The following SCFD2 variants were observed in gnomAD, a reference collection of about 807,000 sequenced individuals.
SCFD2 encodes sec1 family domain-containing protein 2.
Under a neutral mutation model 58.9 loss-of-function variants are expected in SCFD2, and 54 were observed. That is an observed-to-expected ratio of 0.92 (90% confidence interval 0.74 to 1.15). The LOEUF is 1.15. Among genes scored for constraint, SCFD2 ranks in the 50% most tolerant of loss-of-function variants. The probability of loss-of-function intolerance (pLI) is 0.00; values close to 1 mark genes in which losing one functional copy is unlikely to be tolerated. For synonymous variants in SCFD2, 321 were observed against 335.9 expected (o/e 0.96, Z 0.49); for missense variants, 805 against 836.6 (o/e 0.96, Z 0.47).
intron 5 of SCFD2, among the ~76,000 whole-genome samples, chr4:53,140,867 G>C (rs1577769374): frequency 6.6e-6 from 1 of 152,144 alleles, no homozygotes; most frequent in African/African-American, 2.4e-5. Flanking sequence ...AGGCTCTACT[G>C]TTTATCAGTT....
intron 7 of SCFD2, among the ~76,000 whole-genome samples, chr4:52,888,715 T>G (rs530460642): frequency 6.6e-6 from 1 of 152,332 alleles, no homozygotes; most frequent in Admixed American, 6.5e-5. Context: ...TAGGTTCCCT[T>G]TCTTGGTCTG....
intron 5 of SCFD2, chr4:52,950,605 A>G (rs1720565380): frequency 6.6e-6 from 1 of 152,276 alleles, no homozygotes; most frequent in South Asian, 2.1e-4. Flanking sequence ...ATGGCCCTGC[A>G]CTGCCCGTGG....
At chr4:53,328,899 G>A (rs536293803) in intron 2 of SCFD2, among the ~76,000 whole-genome samples, 281 of 152,362 alleles carry the variant, frequency 1.8e-3, no homozygotes, top group African/African-American at 6.2e-3. Flanking sequence ...CACCATGCGC[G>A]AGCCGAAGCA....
At chr4:53,358,621 A>C (rs1349501508) in intron 1 of SCFD2, among the ~76,000 whole-genome samples, 1 of 152,120 alleles carries the variant, frequency 6.6e-6, no homozygotes, top group East Asian at 1.9e-4. Flanking sequence ...GAGTAAATTT[A>C]ATTCCCATCG....
chr4:53,290,204 A>T (rs1188632368), intron 3 of SCFD2, among the ~76,000 whole-genome samples: 1 of 152,180 alleles, frequency 6.6e-6, no homozygotes, highest in African/African-American at 2.4e-5. Flanking sequence ...ATTCTCCAAG[A>T]TACACTATAT....
chr4:53,156,458 G>T (rs1726688195), intron 4 of SCFD2, among the ~76,000 whole-genome samples: 1 of 151,428 alleles, frequency 6.6e-6, no homozygotes, highest in Non-Finnish European at 1.5e-5. Context: ...AGCACTTTGG[G>T]AGGCCAAGGC....
rs943772883 is a variant in SCFD2, at chr4:53,169,449, T to C, written c.1312-23867A>G. 1.2e-4 allele frequency among the ~76,000 whole-genome samples: 19 copies of C among 152,342 alleles called. 1 individual carries two copies. Among genetic ancestry groups the C allele is most frequent in the African/African-American group, 3.4e-4 (14 of 41,582 alleles). ...CATGTTTTCTTTATCTGTCCATCTATTGATGAACATGCAGGCTGATTCCAT... is the reference window on the plus strand; with the variant it reads ...CATGTTTTCTTTATCTGTCCATCTACTGATGAACATGCAGGCTGATTCCAT... On this transcript the variant is annotated intron_variant, in intron 4 of 8. Transcript: ENST00000401642.
intron 4 of SCFD2, among the ~76,000 whole-genome samples, chr4:53,228,576 C>T (rs1729308787): frequency 6.6e-6 from 1 of 152,190 alleles, no homozygotes; most frequent in Admixed American, 6.5e-5. Flanking sequence ...AACAACACTT[C>T]ATGCTAAAAA....
At chr4:52,917,881 A>G (rs1046616660) in intron 6 of SCFD2, among the ~76,000 whole-genome samples, 4 of 152,236 alleles carry the variant, frequency 2.6e-5, no homozygotes. Context: ...AAAGATTAAA[A>G]TAAGAGGTGC....
At chr4:52,933,795 T>G (rs1283735409) in intron 5 of SCFD2, among the ~76,000 whole-genome samples, 1 of 152,236 alleles carries the variant, frequency 6.6e-6, no homozygotes, top group African/African-American at 2.4e-5. Flanking sequence ...AAAGTTCATG[T>G]GTTAGAAACT....
chr4:53,316,832 G>A (rs1174386819), intron 2 of SCFD2, among the ~76,000 whole-genome samples: 4 of 152,166 alleles, frequency 2.6e-5, no homozygotes, highest in African/African-American at 7.2e-5. Context: ...ATTCTGGGCC[G>A]GGCGCAGTGG....
At chr4:53,332,453 C>A (rs1733513214) in intron 2 of SCFD2, among the ~76,000 whole-genome samples, 1 of 151,860 alleles carries the variant, frequency 6.6e-6, no homozygotes, top group South Asian at 2.1e-4. Flanking sequence ...ATACGCAAAT[C>A]AATAAATGTA....
chr4:53,121,778 C>T (rs1170304142), intron 5 of SCFD2, among the ~76,000 whole-genome samples: 2 of 152,168 alleles, frequency 1.3e-5, no homozygotes, highest in Non-Finnish European at 2.9e-5. Flanking sequence ...TTCCAGGCAG[C>T]CCTGCCTGCA....
At chr4:53,073,734 G>T (rs1723890707) in intron 5 of SCFD2, among the ~76,000 whole-genome samples, 1 of 90,332 alleles carries the variant, frequency 1.1e-5, no homozygotes, top group Non-Finnish European at 2.2e-5. Context: ...TAAGTTGCAT[G>T]AATTTTTTTT....
At chr4:53,229,934 A>G (rs1413372094) in intron 4 of SCFD2, among the ~76,000 whole-genome samples, 2 of 152,220 alleles carry the variant, frequency 1.3e-5, no homozygotes, top group African/African-American at 4.8e-5. Flanking sequence ...AGAAAAAAAC[A>G]AACAACCCCA....
chr4:53,099,260 T>C (rs1724758736), intron 5 of SCFD2, among the ~76,000 whole-genome samples: 1 of 152,186 alleles, frequency 6.6e-6, no homozygotes. Flanking sequence ...ACAATCTCCT[T>C]TTGTCACATG....
chr4:52,907,791 C>T (rs1281518219), intron 6 of SCFD2, among the ~76,000 whole-genome samples, 200 bp from the exon 7 acceptor site: 1 of 152,002 alleles, frequency 6.6e-6, no homozygotes, highest in Non-Finnish European at 1.5e-5. Flanking sequence ...TAAACTTTCA[C>T]CCCAATGCTT....
chr4:53,018,799 T>C (rs1362361295), intron 5 of SCFD2, among the ~76,000 whole-genome samples: 2 of 152,186 alleles, frequency 1.3e-5, no homozygotes, highest in South Asian at 2.1e-4. Flanking sequence ...CATGTGTTCA[T>C]GCAGGATGCA....
intron 4 of SCFD2, among the ~76,000 whole-genome samples, chr4:53,160,799 T>G (rs1481073185): frequency 1.3e-5 from 2 of 152,222 alleles, no homozygotes; most frequent in Non-Finnish European, 2.9e-5. Flanking sequence ...ATCAACGTGC[T>G]TCCCAAAATG....
Sources: gnomAD v4.1 joint callset for allele counts (sites outside exome capture counted in the v4.1 genomes callset) on GRCh38, gnomAD v4.1.1 for gene constraint, MANE v1.5 for transcripts, NCBI Gene and HGNC (gene_info 2026-07-23, HGNC 2026-07-21) for gene names.